Variants in MEX3C observed in about 807,000 individuals in gnomAD.
MEX3C encodes the protein RNA-binding E3 ubiquitin-protein ligase MEX3C.
In MEX3C, 15 loss-of-function variants were observed where a neutral mutation model predicts 35.5. That is an observed-to-expected ratio of 0.42 (90% CI 0.28 to 0.65). The LOEUF (loss-of-function observed/expected upper bound fraction) is 0.65. MEX3C is among the 30% of genes least tolerant of loss of function. The pLI is 0.20. For missense variants in MEX3C, 711 were observed against 842.8 expected (o/e 0.84, Z 1.94); for synonymous variants, 390 against 352.8 (o/e 1.11, Z -1.18).
At position 51,186,034 on chromosome 18, in the gene MEX3C, G is replaced by A. The variant is rs145241995; in HGVS notation, c.755-8458C>T. Among the ~76,000 whole-genome samples, 33 of 152,328 alleles carry A rather than the reference G, an allele frequency of 2.2e-4. No homozygotes were observed. In the East Asian group the frequency reaches 6.4e-3, roughly 29 times the overall value. ...GTTTGGTACGTGATACACAGTAAAA[G>A]TGGCTTCCACTTATCCTAGGCGTTC... On this transcript the variant is annotated intron_variant, in intron 1 of 1. Coordinates refer to ENST00000406189, the MANE Select transcript of MEX3C (RefSeq NM_016626.5).
rs765957664 is a variant in MEX3C at position 51,176,606 on chromosome 18, T to C, written c.1725A>G (p.Ile575Met). ...TACCATTAGAAAAAGCAGGGATATA[T>C]ATTGGAAGGCCAACATGGTTGCCTG... ...PSTGNHVGLP[I>M]YIPAFSNGTN... The change falls in exon 2 of 2, where the codon ATA becomes ATG. Residue 575 changes from isoleucine (I) to methionine (M), a missense_variant. Coordinates refer to ENST00000406189, the MANE Select transcript of MEX3C (RefSeq NM_016626.5). 1.9e-6 allele frequency: 3 copies of C among 1,613,934 alleles called. No individual in the cohort carries two copies. The highest frequency in any genetic ancestry group is 4.5e-5 in the East Asian group (2 of 44,878).
At position 51,177,060 on chromosome 18, in the gene MEX3C, G is replaced by C. The variant is rs764461748; in HGVS notation, c.1271C>G (p.Ala424Gly). The change falls in exon 2 of 2, where the codon GCG becomes GGG. Residue 424 changes from alanine (A) to glycine (G), a missense_variant. Transcript: ENST00000406189. This position sits in a 1 kb window ranked among gnomAD's most constrained non-coding sequence, Gnocchi z 4.2. ...VSFEGGTLGS[A>G]WLSSNPVPPS... ...AGGAACAGGATTGGAGGAGAGCCAC[G>C]CAGAGCCAAGAGTGCCACCTTCAAA... The C allele has an allele frequency of 5.6e-6, 9 of 1,613,982 alleles. No individual in the cohort carries two copies. Among genetic ancestry groups the C allele is most frequent in the Non-Finnish European group, 5.1e-6 (6 of 1,179,878 alleles).
intron 1 of MEX3C, among the ~76,000 whole-genome samples, chr18:51,180,838 C>T (rs559334053): frequency 6.6e-6 from 1 of 152,158 alleles, no homozygotes; most frequent in Admixed American, 6.5e-5. Flanking sequence ...TTCTTCACTT[C>T]CCTAAATCTT....
At position 51,177,738 on chromosome 18, in the gene MEX3C, T is replaced by C. The variant is rs1054795085; in HGVS notation, c.755-162A>G. On this transcript the variant is annotated intron_variant, in intron 1 of 1. Coordinates refer to ENST00000406189, the MANE Select transcript of MEX3C (RefSeq NM_016626.5). This position sits in a 1 kb window ranked among gnomAD's most constrained non-coding sequence, Gnocchi z 4.2. Reference sequence around the variant, plus strand: ...TGGCAGAGCCAGAAGTAAACCTAGTTTGACTTAAAATCTGTGGTCTTTTTG... The same window carrying C: ...TGGCAGAGCCAGAAGTAAACCTAGTCTGACTTAAAATCTGTGGTCTTTTTG... 1.3e-5 allele frequency among the ~76,000 whole-genome samples: 2 copies of C among 152,190 alleles called. No individual in the cohort carries two copies. Among genetic ancestry groups the C allele is most frequent in the Admixed American group, 1.3e-4 (2 of 15,280 alleles).
At chr18:51,193,420 T>C (rs925543869) in intron 1 of MEX3C, 1 of 152,214 alleles carries the variant, frequency 6.6e-6, no homozygotes, top group Non-Finnish European at 1.5e-5. Context: ...TCTATTTTAA[T>C]TCACTTTTTA....
At chr18:51,178,291 C>A (rs1912347520) in intron 1 of MEX3C, among the ~76,000 whole-genome samples, 1 of 151,974 alleles carries the variant, frequency 6.6e-6, no homozygotes, top group Non-Finnish European at 1.5e-5. Flanking sequence ...AGGCCATGAC[C>A]CCAAATCCTA....
chr18:51,192,280 G>A (rs1172263672), intron 1 of MEX3C, among the ~76,000 whole-genome samples: 1 of 152,066 alleles, frequency 6.6e-6, no homozygotes, highest in Admixed American at 6.6e-5. Flanking sequence ...GAATAAGGCA[G>A]GAAGAAAGGC....
At position 51,197,589 on chromosome 18, in the gene MEX3C, G is replaced by T; in HGVS notation, c.-269C>A. Among the ~76,000 whole-genome samples the T allele has an allele frequency of 6.6e-6, 1 of 151,026 alleles. No homozygotes were observed. Among genetic ancestry groups the T allele is most frequent in the East Asian group, 2.0e-4 (1 of 5,048 alleles). ...GGGGCGGGCTGGTGGAGGTGGCAGC[G>T]GCTCCCCTCTCAGTGTTTCTTTTGT... On this transcript the variant is annotated 5_prime_UTR_variant, in exon 1 of 2. Transcript: ENST00000406189.
chr18:51,177,039 A>T lies in MEX3C; in HGVS notation c.1292T>A (p.Val431Asp), dbSNP rs1912321547. 1 of 1,613,920 alleles carries T rather than the reference A, an allele frequency of 6.2e-7. No homozygotes were observed. Among genetic ancestry groups the T allele is most frequent in the African/African-American group, 1.3e-5 (1 of 74,928 alleles). ...LGSAWLSSNP[V>D]PPSRARMISN... Reference sequence around the variant, plus strand: ...TATCATTCTTGCGCGGCTAGGAGGAACAGGATTGGAGGAGAGCCACGCAGA... The same window carrying T: ...TATCATTCTTGCGCGGCTAGGAGGATCAGGATTGGAGGAGAGCCACGCAGA... Residue 431 changes from valine to aspartate, a missense_variant, in exon 2 of 2, where the codon GTT becomes GAT. This residue lies in a region of MEX3C where 187 missense variants were observed against 201.7 expected (regional missense o/e 0.93). Transcript: ENST00000406189. This position sits in a 1 kb window ranked among gnomAD's most constrained non-coding sequence, Gnocchi z 4.2.
At position 51,176,603 on chromosome 18, in the gene MEX3C, A is replaced by G; in HGVS notation, c.1728T>C (p.Tyr576=). ...TGGTACCATTAGAAAAAGCAGGGAT[A>G]TATATTGGAAGGCCAACATGGTTGC... ...STGNHVGLPI[Y]IPAFSNGTNS... is the part of the protein sequence containing the mutation. Residue 576 remains tyrosine, a synonymous_variant, in exon 2 of 2, where the codon TAT becomes TAC. Coordinates refer to ENST00000406189, the MANE Select transcript of MEX3C (RefSeq NM_016626.5). The G allele has an allele frequency of 6.2e-7, 1 of 1,613,994 alleles. No individual in the cohort carries two copies. Among genetic ancestry groups the G allele is most frequent in the East Asian group, 2.2e-5 (1 of 44,884 alleles).
At position 51,175,182 on chromosome 18, in the gene MEX3C, G is replaced by C. The variant is rs1415552455; in HGVS notation, c.*1169C>G. 3 of 152,270 alleles carry C rather than the reference G, an allele frequency of 2.0e-5. No homozygotes were observed. The highest frequency in any genetic ancestry group is 4.4e-5 in the Non-Finnish European group (3 of 67,960). The allele number at this position is 152,270 out of a possible 1,614,324, so 9.4% of individuals were successfully genotyped here. ...ACCGAGAAAAAAGCTCTTTTGTGTT[G>C]GGAAAATAATGCTTCAAAAAATAAT... On this transcript the variant is annotated 3_prime_UTR_variant, in exon 2 of 2. Coordinates refer to ENST00000406189, the MANE Select transcript of MEX3C (RefSeq NM_016626.5).
chr18:51,192,230 T>A (rs1329767007), intron 1 of MEX3C, among the ~76,000 whole-genome samples: 1 of 152,114 alleles, frequency 6.6e-6, no homozygotes, highest in Non-Finnish European at 1.5e-5. Context: ...CCACTTCATT[T>A]CCCATTTCCT....
chr18:51,196,785 G>T lies in MEX3C; in HGVS notation c.536C>A (p.Ala179Asp), dbSNP rs200566856. 7.0e-7 allele frequency: 1 copy of T among 1,434,236 alleles called. No individual in the cohort carries two copies. Among genetic ancestry groups the T allele is most frequent in the African/African-American group, 1.8e-5 (1 of 56,302 alleles). 88.8% of individuals were successfully genotyped at this position (1,434,236 alleles called of 1,614,324 possible). The change falls in exon 1 of 2, where the codon GCC becomes GAC. Residue 179 changes from alanine to aspartate, a missense_variant. Coordinates refer to ENST00000406189, the MANE Select transcript of MEX3C (RefSeq NM_016626.5). ...AARFDAREAA[A>D]AAAAAGVLYG... is the part of the protein sequence containing the mutation. ...CAGCACCCCCGCCGCCGCCGCCGCG[G>T]CCGCCGCCTCCCGGGCATCGAACCT...
rs1334994099 is a variant in MEX3C, at chr18:51,188,605, A to T, written c.754+7962T>A. 2.0e-5 allele frequency among the ~76,000 whole-genome samples: 3 copies of T among 152,236 alleles called. No individual in the cohort carries two copies. The East Asian group carries it at 5.8e-4, about 29-fold the overall frequency. ...AGAGTGAGACCCTGTCTCAAAAAAA[A>T]AAAAAATTAAAAAAAATGCTGGGAA... On this transcript the variant is annotated intron_variant, in intron 1 of 1. Transcript: ENST00000406189.
intron 1 of MEX3C, chr18:51,193,191 T>G (rs897063385): frequency 1.3e-5 from 2 of 152,060 alleles, no homozygotes; most frequent in African/African-American, 4.8e-5. Context: ...ATTGGGAGTA[T>G]GCACATTTTT....
chr18:51,179,474 T>A (rs1188586356), intron 1 of MEX3C, among the ~76,000 whole-genome samples: 2 of 152,188 alleles, frequency 1.3e-5, no homozygotes, highest in African/African-American at 4.8e-5. Context: ...AGTATTTGCA[T>A]CATACCTGCC....
At chr18:51,181,594 T>C (rs1319123460) in intron 1 of MEX3C, among the ~76,000 whole-genome samples, 2 of 152,246 alleles carry the variant, frequency 1.3e-5, no homozygotes, top group Non-Finnish European at 2.9e-5. Context: ...TATAAGCCCA[T>C]ATATTCTTAC....
At chr18:51,190,767 A>G (rs1912634199) in intron 1 of MEX3C, among the ~76,000 whole-genome samples, 1 of 152,194 alleles carries the variant, frequency 6.6e-6, no homozygotes, top group African/African-American at 2.4e-5. Flanking sequence ...AATTTAGTAT[A>G]TCTGGGTTTG....
At chr18:51,187,396 T>C (rs1411992155) in intron 1 of MEX3C, among the ~76,000 whole-genome samples, 2 of 152,196 alleles carry the variant, frequency 1.3e-5, no homozygotes, top group Admixed American at 1.3e-4. Context: ...AAAAACTGAC[T>C]ATCTGCAGGA....
Sources: allele counts gnomAD v4.1 joint callset (sites outside exome capture counted in the v4.1 genomes callset), GRCh38; gene constraint gnomAD v4.1.1; regional missense constraint gnomAD v4.1.1; non-coding constraint Gnocchi (gnomAD v3.1); transcripts MANE v1.5; gene names NCBI Gene and HGNC (gene_info 2026-07-23, HGNC 2026-07-21).